Variants in EXOC6B observed in about 807,000 individuals in gnomAD.
EXOC6B encodes SEC15 homolog B.
A neutral mutation model predicts 113.5 loss-of-function variants in EXOC6B; 54 were observed. The ratio of observed to expected loss-of-function variants is 0.48; its 90% CI spans 0.38 to 0.60. The LOEUF (loss-of-function observed/expected upper bound fraction) is 0.60, where lower values mean the gene tolerates loss of function less well. Among genes scored for constraint, EXOC6B ranks in the 20% least tolerant of loss-of-function variants. EXOC6B has a pLI of 0.00. For synonymous variants in EXOC6B, 357 were observed against 339.0 expected, an observed-to-expected ratio of 1.05 and a Z score of -0.58; for missense variants, 797 against 977.5, an observed-to-expected ratio of 0.82 and a Z score of 2.46.
At chr2:72,742,886 C>T (rs1681415703) in intron 1 of EXOC6B, among the ~76,000 whole-genome samples, 1 of 152,120 alleles carries the variant, frequency 6.6e-6, no homozygotes. Context: ...TAATATCCAG[C>T]TACTATTTAA....
rs867466767 is a variant in EXOC6B at position 72,823,474 on chromosome 2, A to C, written c.113+2324T>G. On this transcript the variant is annotated intron_variant, in intron 1 of 21. Coordinates refer to ENST00000272427, the MANE Select transcript of EXOC6B (RefSeq NM_015189.3). ...AAAGTTTTAAGAAAAAAAAAAAAAA[A>C]AAAACAAAAAACAAAAAAAAAGACA... 8.1e-3 allele frequency among the ~76,000 whole-genome samples: 941 copies of C among 116,828 alleles called. 26 individuals are homozygous for C. The highest frequency in any genetic ancestry group is 0.014 in the African/African-American group (435 of 30,292). 76.6% of individuals were successfully genotyped at this position (116,828 alleles called of 152,430 possible).
intron 20 of EXOC6B, among the ~76,000 whole-genome samples, chr2:72,323,556 T>C (rs1300503203): frequency 2.6e-5 from 4 of 152,116 alleles, no homozygotes; most frequent in Non-Finnish European, 5.9e-5. Flanking sequence ...TGCGGCACTA[T>C]TCACAATAGC....
chr2:72,771,580 T>C (rs1262603767), intron 1 of EXOC6B, among the ~76,000 whole-genome samples: 1 of 152,186 alleles, frequency 6.6e-6, no homozygotes, highest in African/African-American at 2.4e-5. Context: ...AAGTATCCAG[T>C]CTAAGATCAT....
chr2:72,429,601 T>C (rs1166738503), intron 18 of EXOC6B, among the ~76,000 whole-genome samples: 1 of 152,232 alleles, frequency 6.6e-6, no homozygotes, highest in Non-Finnish European at 1.5e-5. Context: ...TTTTAATGTT[T>C]TAATTCAGAC....
At chr2:72,638,570 C>T (rs920362938) in intron 6 of EXOC6B, among the ~76,000 whole-genome samples, 2 of 152,124 alleles carry the variant, frequency 1.3e-5, no homozygotes, top group Admixed American at 6.5e-5. Flanking sequence ...CGGACTCGTT[C>T]CTGGCCCACA....
intron 6 of EXOC6B, 80 bp downstream of exon 6, chr2:72,718,023 G>T: frequency 9.9e-7 from 1 of 1,007,954 alleles, no homozygotes; most frequent in South Asian, 1.8e-5. Context: ...ATAATGACTA[G>T]ACACTTGGCA....
intron 1 of EXOC6B, among the ~76,000 whole-genome samples, chr2:72,772,501 G>T (rs1250129259): frequency 6.6e-6 from 1 of 152,070 alleles, no homozygotes; most frequent in African/African-American, 2.4e-5. Flanking sequence ...CTGCCCCATT[G>T]CCAGTTAGTC....
rs1699790802 is a variant in EXOC6B, at chr2:72,492,413, C to A, written c.1570G>T (p.Asp524Tyr). The A allele has an allele frequency of 6.2e-7, 1 of 1,611,902 alleles. No individual in the cohort carries two copies. Residue 524 changes from aspartate to tyrosine, a missense_variant, in exon 16 of 22, where the codon GAC becomes TAC. Transcript: ENST00000272427. ...AGGTTTGTTGATTTCCGAATCATGT[C>A]ATCAACTTCAGTTGAGCTGAAAAAG... ...DLHLSSTEVDDMIRKSTNLLL... is the reference protein window; with the variant it reads ...DLHLSSTEVDYMIRKSTNLLL...
rs1232475908 is a variant in EXOC6B, at chr2:72,761,876, G to A, written c.114-20407C>T. The stretch of plus-strand genomic sequence containing the variant: ...GCCTGTAATCCCAGCTACTCAGGAG[G>A]CTGAGGTCAAAGGTTCTCTTGAGCC... On this transcript the variant is annotated intron_variant, in intron 1 of 21. Coordinates refer to ENST00000272427, the MANE Select transcript of EXOC6B (RefSeq NM_015189.3). Among the ~76,000 whole-genome samples, 2 of 152,042 alleles carry A rather than the reference G, an allele frequency of 1.3e-5. 1 individual carries two copies. The highest frequency in any genetic ancestry group is 2.9e-5 in the Non-Finnish European group (2 of 68,004).
At position 72,815,213 on chromosome 2, in the gene EXOC6B, G is replaced by A. The variant is rs184905388; in HGVS notation, c.113+10585C>T. Among the ~76,000 whole-genome samples, 140 of 152,150 alleles carry A rather than the reference G, an allele frequency of 9.2e-4. 4 individuals are homozygous for A. In the South Asian group the frequency reaches 0.028, roughly 31 times the overall value. ...TATCAAAAAGAAAAAAATCCGGGCC[G>A]GGTGCGGTGGCTCCCGCCTGTAATC... On this transcript the variant is annotated intron_variant, in intron 1 of 21. Transcript: ENST00000272427.
intron 20 of EXOC6B, among the ~76,000 whole-genome samples, chr2:72,200,518 G>C (rs1370593723): frequency 6.6e-6 from 1 of 152,178 alleles, no homozygotes; most frequent in Non-Finnish European, 1.5e-5. Flanking sequence ...TGAAGCTATG[G>C]TATAGAGAGT....
intron 1 of EXOC6B, among the ~76,000 whole-genome samples, chr2:72,741,877 T>C (rs1681347082): frequency 6.6e-6 from 1 of 152,206 alleles, no homozygotes; most frequent in Non-Finnish European, 1.5e-5. Context: ...AGGGTAGCCA[T>C]GTAACTACAA....
At chr2:72,592,127 A>G (rs2103939346) in intron 6 of EXOC6B, among the ~76,000 whole-genome samples, 1 of 152,304 alleles carries the variant, frequency 6.6e-6, no homozygotes, top group South Asian at 2.1e-4. Context: ...TAAGAAAAAG[A>G]ACAACAAAGT....
At chr2:72,430,222 T>A (rs1695440745) in intron 18 of EXOC6B, among the ~76,000 whole-genome samples, 1 of 152,238 alleles carries the variant, frequency 6.6e-6, no homozygotes, top group Non-Finnish European at 1.5e-5. Context: ...CTTCTGCTCA[T>A]CTATAAAGTT....
At chr2:72,244,140 A>C (rs943287648) in intron 20 of EXOC6B, among the ~76,000 whole-genome samples, 1 of 152,196 alleles carries the variant, frequency 6.6e-6, no homozygotes, top group South Asian at 2.1e-4. Context: ...AAGACTGACC[A>C]CGTTCTGGGC....
At chr2:72,642,169 G>A (rs534040541) in intron 6 of EXOC6B, among the ~76,000 whole-genome samples, 9 of 152,026 alleles carry the variant, frequency 5.9e-5, no homozygotes, top group South Asian at 2.1e-4. Context: ...AATCAATATC[G>A]TGAAAATGGC....
chr2:72,465,817 T>G (rs1698015499), intron 17 of EXOC6B, among the ~76,000 whole-genome samples: 1 of 152,162 alleles, frequency 6.6e-6, no homozygotes, highest in African/African-American at 2.4e-5. Flanking sequence ...TTCCTTAACT[T>G]CTGTTAAATA....
At chr2:72,676,330 T>G (rs17008347) in intron 6 of EXOC6B, among the ~76,000 whole-genome samples, 2,162 of 152,270 alleles carry the variant, frequency 0.014, 22 homozygotes, top group Non-Finnish European at 0.022. Context: ...GAAAAGCACT[T>G]TAAATACCTC....
intron 6 of EXOC6B, among the ~76,000 whole-genome samples, chr2:72,659,692 A>G (rs1674864535): frequency 6.6e-6 from 1 of 152,132 alleles, no homozygotes; most frequent in African/African-American, 2.4e-5. Context: ...ATAAATAATC[A>G]TTTCAAGAAC....
Sources: gnomAD v4.1 joint callset for allele counts (sites outside exome capture counted in the v4.1 genomes callset) on GRCh38, gnomAD v4.1.1 for gene constraint, MANE v1.5 for transcripts, NCBI Gene and HGNC (gene_info 2026-07-23, HGNC 2026-07-21) for gene names.